Variants in IGSF9 observed in about 807,000 individuals in gnomAD.
The protein encoded by IGSF9 is protein turtle homolog A.
IGSF9 carries 87 observed loss-of-function variants against 121.7 expected under a neutral mutation model. That is an observed-to-expected ratio of 0.71 (90% CI 0.60 to 0.85). IGSF9 has a LOEUF of 0.85. Among genes scored for constraint, IGSF9 ranks in the 40% least tolerant of loss-of-function variants. The pLI, the probability that IGSF9 is intolerant of heterozygous loss-of-function variation, is 0.00. For missense variants in IGSF9, 1,462 were observed against 1,565.3 expected, an observed-to-expected ratio of 0.93 and a Z score of 1.11; for synonymous variants, 640 against 648.4, an observed-to-expected ratio of 0.99 and a Z score of 0.20.
At position 159,928,702 on chromosome 1, in the gene IGSF9, G is replaced by A; in HGVS notation, c.2686C>T (p.Gln896Ter). 1 of 1,478,274 alleles carries A rather than the reference G, an allele frequency of 6.8e-7. No homozygotes were observed. The highest frequency in any genetic ancestry group is 2.4e-5 in the East Asian group (1 of 41,082). The allele number at this position is 1,478,274 out of a possible 1,614,324, so 91.6% of individuals were successfully genotyped here. A position where few individuals can be genotyped will look rare whatever the true frequency, so the allele number is the denominator to read the frequency against. ...CTGATGTCTTCAATGCAGAGGGGCT[G>A]GGGTGCCCCACTGGGGCTGCTGCTG... is the stretch of plus-strand genomic sequence containing the variant. Reference protein sequence around the residue: ...CSSSSPSGAPQPLCIEDISPV... With the variant: ...CSSSSPSGAP Residue 896 changes from glutamine (Q) to a stop codon, truncating the protein, a stop_gained, in exon 19 of 21, where the codon CAG (glutamine) becomes TAG (stop). Coordinates refer to ENST00000368094, the MANE Select transcript of IGSF9 (RefSeq NM_001135050.2). LOFTEE classifies it high-confidence loss of function.
At chr1:159,940,650 G>A (rs771310573) in intron 3 of IGSF9, among the ~76,000 whole-genome samples, 5 of 152,226 alleles carry the variant, frequency 3.3e-5, no homozygotes, top group Non-Finnish European at 7.3e-5. Flanking sequence ...ATTGCACTAT[G>A]AAGCAAGAGG....
chr1:159,934,365 G>A (rs955186328), intron 8 of IGSF9, 33 bp from the exon 9 acceptor site: 5 of 1,570,304 alleles, frequency 3.2e-6, no homozygotes, highest in African/African-American at 1.3e-5. Flanking sequence ...TGGGGGAGAG[G>A]GGCTTGGCCT....
intron 13 of IGSF9, 44 bp from the exon 14 acceptor site, chr1:159,930,911 G>T: frequency 1.3e-6 from 2 of 1,538,452 alleles, no homozygotes; most frequent in Non-Finnish European, 1.8e-6. Flanking sequence ...GAGCTAGGAA[G>T]ACCAGAAGAT....
chr1:159,933,674 C>A (rs112836209), intron 9 of IGSF9: 2 of 166,590 alleles, frequency 1.2e-5, no homozygotes, highest in African/African-American at 4.8e-5. Context: ...CTCTTTGAGG[C>A]CCATCACCAA....
chr1:159,932,661 AAGAGAAGAT>A lies in IGSF9; in HGVS notation c.1105-18_1105-10del. 4 of 1,608,136 alleles carry A rather than the reference AAGAGAAGAT, an allele frequency of 2.5e-6. No homozygotes were observed. The highest frequency in any genetic ancestry group is 2.6e-6 in the Non-Finnish European group (3 of 1,176,086). Reference sequence around the variant, plus strand: ...TGGGACCAGCCAGGGAACTGGAAGGAAGAGAAGATGACAGCTAGAGAGAGGAGCTCAGCA... The same window carrying A: ...TGGGACCAGCCAGGGAACTGGAAGGAGACAGCTAGAGAGAGGAGCTCAGCA... On this transcript the variant is annotated splice_polypyrimidine_tract_variant and intron_variant, in intron 9 of 20. Coordinates refer to ENST00000368094, the MANE Select transcript of IGSF9 (RefSeq NM_001135050.2). The surrounding 1 kb of genome is among the most constrained non-coding windows in gnomAD (Gnocchi z 4.1).
At position 159,929,671 on chromosome 1, in the gene IGSF9, C is replaced by T. The variant is rs781138026; in HGVS notation, c.2293G>A (p.Ala765Thr). ...AGGCGCTTGCGGCGGCGGCGGGCAGCCCTGCGCCGGTTCAGGAGGCAGCCG... is the reference window on the plus strand; with the variant it reads ...AGGCGCTTGCGGCGGCGGCGGGCAGTCCTGCGCCGGTTCAGGAGGCAGCCG... ...LAGCLLNRRR[A>T]ARRRRKRLRQ... The change falls in exon 17 of 21, where the codon GCT (alanine) becomes ACT (threonine). Residue 765 changes from alanine (A) to threonine (T), a missense_variant. Ala to Thr is a moderately conservative substitution (Grantham distance 58). This residue lies in a region of IGSF9 where 808 missense variants were observed against 815.2 expected (regional missense o/e 0.99). Coordinates refer to ENST00000368094, the MANE Select transcript of IGSF9 (RefSeq NM_001135050.2). 2 of 1,594,994 alleles carry T rather than the reference C, an allele frequency of 1.3e-6. No individual in the cohort carries two copies. The highest frequency in any genetic ancestry group is 1.8e-5 in the Admixed American group (1 of 56,272).
intron 1 of IGSF9, among the ~76,000 whole-genome samples, 195 bp downstream of exon 1, chr1:159,945,378 C>T (rs887305408): frequency 2.3e-4 from 35 of 152,158 alleles, no homozygotes; most frequent in South Asian, 2.1e-4. Context: ...CCCACATTGC[C>T]TCCAGAACTC....
At position 159,932,419 on chromosome 1, in the gene IGSF9, TGCCCC is replaced by T; in HGVS notation, c.1245+88_1245+92del. 1 of 1,017,722 alleles carries T rather than the reference TGCCCC, an allele frequency of 9.8e-7. No homozygotes were observed. Among genetic ancestry groups the T allele is most frequent in the Admixed American group, 2.0e-5 (1 of 49,758 alleles). The allele number at this position is 1,017,722 out of a possible 1,614,324, so 63.0% of individuals were successfully genotyped here. On this transcript the variant is annotated intron_variant, in intron 10 of 20. Coordinates refer to ENST00000368094, the MANE Select transcript of IGSF9 (RefSeq NM_001135050.2). This position sits in a 1 kb window ranked among gnomAD's most constrained non-coding sequence, Gnocchi z 4.1. ...ACTTGGAAACCCCTCCCCATGTGTCTGCCCCACCCCACCCCCATCAGCCTGGCCTT... is the reference window on the plus strand; with the variant it reads ...ACTTGGAAACCCCTCCCCATGTGTCTACCCCACCCCCATCAGCCTGGCCTT...
Position 159,929,197 on chromosome 1 carries a change from G to C in IGSF9, c.2369+154C>G, listed in dbSNP as rs1291038546. The C allele has an allele frequency of 2.6e-5, 33 of 1,287,000 alleles. No homozygotes were observed. In the Admixed American group the frequency reaches 2.9e-4, roughly 11 times the overall value. 79.7% of individuals were successfully genotyped at this position (1,287,000 alleles called of 1,614,324 possible). The stretch of plus-strand genomic sequence containing the variant: ...ACAGGCCATACTGGAACGGCCTCAG[G>C]CTGGGGCCACTGCACACCCCTTCTT... On this transcript the variant is annotated intron_variant, in intron 18 of 20. Transcript: ENST00000368094.
intron 5 of IGSF9, 66 bp from the exon 6 acceptor site, chr1:159,936,582 T>G: frequency 1.9e-6 from 3 of 1,561,988 alleles, no homozygotes; most frequent in Non-Finnish European, 2.6e-6. Context: ...ACTTCCGAGT[T>G]TGGCCAGCAG....
intron 14 of IGSF9, 104 bp from the exon 15 acceptor site, chr1:159,930,543 C>A: frequency 1.3e-6 from 2 of 1,521,896 alleles, no homozygotes; most frequent in Admixed American, 2.2e-5. Flanking sequence ...CCCCTGAAGA[C>A]AAGCTCAAAT....
intron 3 of IGSF9, 64 bp from the exon 4 acceptor site, chr1:159,937,902 C>T (rs1434355857): frequency 6.6e-7 from 1 of 1,521,108 alleles, no homozygotes; most frequent in Non-Finnish European, 9.0e-7. Flanking sequence ...GTCCCCTGGT[C>T]ACACTGGTAA....
At position 159,930,320 on chromosome 1, in the gene IGSF9, G is replaced by GA. The variant is rs1557931739; in HGVS notation, c.1932dup (p.Pro645SerfsTer7). On this transcript the variant is annotated frameshift_variant, in exon 15 of 21. Coordinates refer to ENST00000368094, the MANE Select transcript of IGSF9 (RefSeq NM_001135050.2). LOFTEE classifies it high-confidence loss of function. ...AGTCTCTTAGGGACCAGCTCTGGGGGATCCCAATGCAGGAGTACCCCCCGG... is the reference window on the plus strand; with the variant it reads ...AGTCTCTTAGGGACCAGCTCTGGGGGAATCCCAATGCAGGAGTACCCCCCGG... 1 of 1,612,956 alleles carries GA rather than the reference G, an allele frequency of 6.2e-7. No homozygotes were observed. Among genetic ancestry groups the GA allele is most frequent in the South Asian group, 1.1e-5 (1 of 90,990 alleles).
Position 159,943,093 on chromosome 1 carries a change from C to T in IGSF9, c.117G>A (p.Leu39=), listed in dbSNP as rs751546033. Reference sequence around the variant, plus strand: ...CGGCCGGGGGCAGCAGGTCACAGCCCAGCACCACACTCTCCCCAGCCCGGC... The same window carrying T: ...CGGCCGGGGGCAGCAGGTCACAGCCTAGCACCACACTCTCCCCAGCCCGGC... ...VVGRAGESVV[L]GCDLLPPAGR... is the part of the protein sequence containing the mutation. Residue 39 remains leucine, a synonymous_variant, in exon 3 of 21, where the codon CTG becomes CTA. Coordinates refer to ENST00000368094, the MANE Select transcript of IGSF9 (RefSeq NM_001135050.2). The T allele has an allele frequency of 1.9e-6, 3 of 1,611,044 alleles. No individual in the cohort carries two copies. The highest frequency in any genetic ancestry group is 2.5e-6 in the Non-Finnish European group (3 of 1,179,042).
intron 18 of IGSF9, 71 bp from the exon 19 acceptor site, chr1:159,929,089 T>A (rs1650874772): frequency 6.8e-7 from 1 of 1,479,002 alleles, no homozygotes; most frequent in Non-Finnish European, 9.0e-7. Flanking sequence ...CGTCAGGCCT[T>A]GAGAGGTTTG....
In IGSF9 at chr1:159,927,146, C is replaced by A; in HGVS notation, c.*199G>T. The A allele has an allele frequency of 1.5e-5, 8 of 545,356 alleles. No homozygotes were observed. Among genetic ancestry groups the A allele is most frequent in the Non-Finnish European group, 1.6e-5 (5 of 306,946 alleles). The allele number at this position is 545,356 out of a possible 1,614,324, so 33.8% of individuals were successfully genotyped here. A position where few individuals can be genotyped will look rare whatever the true frequency, so the allele number is the denominator to read the frequency against. ...GAGAGAGAGAGGCAGACCTAAGATCCCTGTTCCAATCCCCAGACTCACCTA... is the reference window on the plus strand; with the variant it reads ...GAGAGAGAGAGGCAGACCTAAGATCACTGTTCCAATCCCCAGACTCACCTA... On this transcript the variant is annotated 3_prime_UTR_variant, in exon 21 of 21. Coordinates refer to ENST00000368094, the MANE Select transcript of IGSF9 (RefSeq NM_001135050.2).
In IGSF9 at chr1:159,943,099, C is replaced by T; in HGVS notation, c.111G>A (p.Val37=). The T allele has an allele frequency of 6.2e-7, 1 of 1,610,006 alleles. No homozygotes were observed. ...VSVVGRAGES[V]VLGCDLLPPA... is the part of the protein sequence containing the mutation. ...GGGGCAGCAGGTCACAGCCCAGCAC[C>T]ACACTCTCCCCAGCCCGGCCCACCA... The change falls in exon 3 of 21, where the codon GTG becomes GTA. Residue 37 remains valine, a synonymous_variant. Transcript: ENST00000368094.
Position 159,931,401 on chromosome 1 carries a change from A to T in IGSF9, c.1513+52T>A. Reference sequence around the variant, plus strand: ...TGATCCTCTTTCTGGGCCTCCAAAAACGATTCCCAAGTAGTTTCTCCCAGC... The same window carrying T: ...TGATCCTCTTTCTGGGCCTCCAAAATCGATTCCCAAGTAGTTTCTCCCAGC... On this transcript the variant is annotated intron_variant, in intron 12 of 20. Transcript: ENST00000368094. The surrounding 1 kb of genome is among the most constrained non-coding windows in gnomAD (Gnocchi z 4.8). 1.2e-6 allele frequency: 2 copies of T among 1,600,092 alleles called. No homozygotes were observed. Among genetic ancestry groups the T allele is most frequent in the Admixed American group, 1.7e-5 (1 of 59,266 alleles).
rs755929234 is a variant in IGSF9, at chr1:159,934,312, T to C, written c.982A>G (p.Met328Val). Reference protein sequence around the residue: ...TVLYPAQVTAMPPETPLPIGM... With the variant: ...TVLYPAQVTAVPPETPLPIGM... ...ATGGGCAGGGGTGTCTCAGGAGGCA[T>C]AGCTGTCACCTGGGCTGGGTCTGGG... Residue 328 changes from methionine (M) to valine (V), a missense_variant, in exon 9 of 21, where the codon ATG becomes GTG. Physicochemically the swap from Met to Val is conservative, Grantham distance 21. Coordinates refer to ENST00000368094, the MANE Select transcript of IGSF9 (RefSeq NM_001135050.2). 14 of 1,604,124 alleles carry C rather than the reference T, an allele frequency of 8.7e-6. No individual in the cohort carries two copies. The African/African-American group carries it at 1.9e-4, about 21-fold the overall frequency.
Sources: gnomAD v4.1 joint callset for allele counts (sites outside exome capture counted in the v4.1 genomes callset) on GRCh38, gnomAD v4.1.1 for gene constraint, gnomAD v4.1.1 regional missense constraint, Gnocchi (gnomAD v3.1) non-coding constraint, MANE v1.5 for transcripts, NCBI Gene and HGNC (gene_info 2026-07-23, HGNC 2026-07-21) for gene names.